Variants in PCDHGA7 observed in about 807,000 individuals in gnomAD.
PCDHGA7 encodes the protein protocadherin gamma-A7.
In PCDHGA7, 44 loss-of-function variants were observed where a neutral mutation model predicts 58.3. That is an observed-to-expected ratio of 0.75 (90% CI 0.59 to 0.97). The LOEUF is 0.97. Among genes scored for constraint, PCDHGA7 ranks in the 50% least tolerant of loss-of-function variants. The pLI is 0.00. For synonymous variants in PCDHGA7, 516 were observed against 504.2 expected (o/e 1.02, Z -0.31); for missense variants, 1,266 against 1,188.7 (o/e 1.06, Z -0.96).
intron 1 of PCDHGA7, chr5:141,390,425 G>A (rs908766072): frequency 9.6e-7 from 1 of 1,042,070 alleles, no homozygotes. Flanking sequence ...TTAAAAAGCT[G>A]TCATATCATT....
rs755169934 is a variant in PCDHGA7 at position 141,384,350 on chromosome 5, A to T, written c.1451A>T (p.Asn484Ile). The change falls in exon 1 of 4, where the codon AAT (asparagine) becomes ATT (isoleucine). Residue 484 changes from asparagine to isoleucine, a missense_variant. By Grantham distance (149) the Asn-to-Ile change is moderately radical (BLOSUM62 -3). Coordinates refer to ENST00000518325, the MANE Select transcript of PCDHGA7 (RefSeq NM_018920.4). Reference sequence around the variant, plus strand: ...GCACAGGACCACGACAGTGAGGATAATGCCCAGATCACTTATTCCTTGGCC... The same window carrying T: ...GCACAGGACCACGACAGTGAGGATATTGCCCAGATCACTTATTCCTTGGCC... ...VTAQDHDSED[N>I]AQITYSLAED... The T allele has an allele frequency of 1.9e-6, 3 of 1,613,690 alleles. No homozygotes were observed. In the African/African-American group the frequency reaches 4.0e-5, roughly 22 times the overall value.
At position 141,383,143 on chromosome 5, in the gene PCDHGA7, G is replaced by A. The variant is rs371358932; in HGVS notation, c.244G>A (p.Gly82Ser). 2 of 1,613,972 alleles carry A rather than the reference G, an allele frequency of 1.2e-6. No homozygotes were observed. The highest frequency in any genetic ancestry group is 8.5e-7 in the Non-Finnish European group (1 of 1,179,982). Residue 82 changes from glycine to serine, a missense_variant, in exon 1 of 4, where the codon GGC becomes AGC. Gly to Ser is a moderately conservative substitution (Grantham distance 56). Transcript: ENST00000518325. ...TQLFALNQRS[G>S]SLVTAGRIDR... ...GCTTTTCGCCCTGAACCAGCGCAGC[G>A]GCAGCTTGGTCACTGCGGGCAGGAT...
At chr5:141,387,316 A>G (rs1239342995) in intron 1 of PCDHGA7, among the ~76,000 whole-genome samples, 3 of 152,214 alleles carry the variant, frequency 2.0e-5, no homozygotes, top group African/African-American at 7.2e-5. Flanking sequence ...TCTAATGAGT[A>G]AGTATGGAAA....
chr5:141,491,723 G>C lies in PCDHGA7; in HGVS notation c.2425-3084G>C. The C allele has an allele frequency of 1.2e-6, 2 of 1,606,770 alleles. No homozygotes were observed. The highest frequency in any genetic ancestry group is 1.7e-6 in the Non-Finnish European group (2 of 1,177,028). On this transcript the variant is annotated intron_variant, in intron 1 of 3. Transcript: ENST00000518325. The surrounding 1 kb of genome is among the most constrained non-coding windows in gnomAD (Gnocchi z 6.9). The stretch of plus-strand genomic sequence containing the variant: ...CAGGTGAGGGGCTCGGCGCCGCCCC[G>C]GGCGACCCCTGGGGGCGGCACTGGA...
intron 1 of PCDHGA7, chr5:141,393,113 G>C: frequency 6.2e-7 from 1 of 1,613,500 alleles, no homozygotes. Flanking sequence ...CTCAGAGCCC[G>C]CGGTGTCTGA....
At chr5:141,403,960 G>A (rs775638627) in intron 1 of PCDHGA7, 10 of 1,613,658 alleles carry the variant, frequency 6.2e-6, no homozygotes, top group East Asian at 4.5e-5. Flanking sequence ...TGCTCATTTC[G>A]GTGGAAGATG....
intron 1 of PCDHGA7, among the ~76,000 whole-genome samples, chr5:141,454,476 A>G (rs918910449): frequency 6.6e-6 from 1 of 151,806 alleles, no homozygotes; most frequent in Non-Finnish European, 1.5e-5. Flanking sequence ...GCATGATCTC[A>G]GCTCACCGCA....
At position 141,491,151 on chromosome 5, in the gene PCDHGA7, T is replaced by C. The variant is rs1283775894; in HGVS notation, c.2425-3656T>C. The C allele has an allele frequency of 6.2e-7, 1 of 1,614,150 alleles. No individual in the cohort carries two copies. On this transcript the variant is annotated intron_variant, in intron 1 of 3. Transcript: ENST00000518325. The surrounding 1 kb of genome is among the most constrained non-coding windows in gnomAD (Gnocchi z 6.9). ...GCACAGCCCGGGCCTTACTGGAGGA[T>C]GACTCTGACACCCAGCAGGTGGTGG...
chr5:141,495,870 CCT>C (rs1183994771), intron 2 of PCDHGA7, among the ~76,000 whole-genome samples: 2 of 152,100 alleles, frequency 1.3e-5, no homozygotes. Flanking sequence ...TTTCTGCTTT[CCT>C]CTCTGTTCTT....
rs1452737362 is a variant in PCDHGA7, at chr5:141,432,324, A to G, written c.2424+47001A>G. On this transcript the variant is annotated intron_variant, in intron 1 of 3. Transcript: ENST00000518325. The surrounding 1 kb of genome is among the most constrained non-coding windows in gnomAD (Gnocchi z 6.0). ...CTGTATGCGCTGAGCTCCTTCGACTACGAGCAGTTCCGAGACTTGCAAGTG... is the reference window on the plus strand; with the variant it reads ...CTGTATGCGCTGAGCTCCTTCGACTGCGAGCAGTTCCGAGACTTGCAAGTG... 3 of 1,614,058 alleles carry G rather than the reference A, an allele frequency of 1.9e-6. No homozygotes were observed. The highest frequency in any genetic ancestry group is 2.7e-5 in the African/African-American group (2 of 74,910).
chr5:141,384,435 A>G lies in PCDHGA7; in HGVS notation c.1536A>G (p.Gly512=). ...SSYVSINSDT[G]VLYALQSFDY... ...ATGTCTCCATAAACTCTGACACTGG[A>G]GTCCTGTACGCGCTGCAATCCTTTG... is the stretch of plus-strand genomic sequence containing the variant. Residue 512 remains glycine, a synonymous_variant, in exon 1 of 4, where the codon GGA becomes GGG. Transcript: ENST00000518325. 6.2e-7 allele frequency: 1 copy of G among 1,614,008 alleles called. No individual in the cohort carries two copies. Among genetic ancestry groups the G allele is most frequent in the Non-Finnish European group, 8.5e-7 (1 of 1,179,910 alleles).
At position 141,476,090 on chromosome 5, in the gene PCDHGA7, C is replaced by T; in HGVS notation, c.2425-18717C>T. On this transcript the variant is annotated intron_variant, in intron 1 of 3. Coordinates refer to ENST00000518325, the MANE Select transcript of PCDHGA7 (RefSeq NM_018920.4). The surrounding 1 kb of genome is among the most constrained non-coding windows in gnomAD (Gnocchi z 7.6). ...GAAATCTCAGGGACGATCTGGACCC[C>T]GCTGAGAGGAACTGCTTTTGAGTGA... 3 of 1,562,222 alleles carry T rather than the reference C, an allele frequency of 1.9e-6. No individual in the cohort carries two copies. Among genetic ancestry groups the T allele is most frequent in the African/African-American group, 1.4e-5 (1 of 73,764 alleles).
intron 1 of PCDHGA7, among the ~76,000 whole-genome samples, chr5:141,492,559 C>G (rs533830391): frequency 2.0e-5 from 3 of 152,174 alleles, no homozygotes; most frequent in Non-Finnish European, 4.4e-5. Context: ...GCCTGGGGGG[C>G]GGCCTGAGCG....
In PCDHGA7 at chr5:141,485,313, A is replaced by G. The variant is rs758628263; in HGVS notation, c.2425-9494A>G. On this transcript the variant is annotated intron_variant, in intron 1 of 3. Transcript: ENST00000518325. The surrounding 1 kb of genome is among the most constrained non-coding windows in gnomAD (Gnocchi z 5.7). Reference sequence around the variant, plus strand: ...TCACAGGAAGGGACTTTTGTAGGGAATGTCGCTCAAGATTTCCTGCTGGAT... The same window carrying G: ...TCACAGGAAGGGACTTTTGTAGGGAGTGTCGCTCAAGATTTCCTGCTGGAT... 1.2e-6 allele frequency: 2 copies of G among 1,614,186 alleles called. No individual in the cohort carries two copies. Among genetic ancestry groups the G allele is most frequent in the African/African-American group, 1.3e-5 (1 of 75,054 alleles).
At chr5:141,470,736 C>A (rs541510544) in intron 1 of PCDHGA7, among the ~76,000 whole-genome samples, 1 of 152,092 alleles carries the variant, frequency 6.6e-6, no homozygotes, top group Non-Finnish European at 1.5e-5. Context: ...CTTGCTCTGT[C>A]GCCCTGGCTG....
intron 1 of PCDHGA7, chr5:141,420,119 T>C: frequency 6.2e-7 from 1 of 1,614,044 alleles, no homozygotes; most frequent in Non-Finnish European, 8.5e-7. Context: ...TGCCTATAAT[T>C]TTTGTGTGCC....
intron 1 of PCDHGA7, chr5:141,392,593 C>T (rs986653235): frequency 1.0e-5 from 5 of 494,076 alleles, no homozygotes; most frequent in Admixed American, 7.6e-5. Flanking sequence ...CCGCTGTTCA[C>T]CTACTGGAAG....
chr5:141,430,234 A>G (rs2097268213), intron 1 of PCDHGA7, among the ~76,000 whole-genome samples: 1 of 130,034 alleles, frequency 7.7e-6, no homozygotes, highest in South Asian at 2.4e-4. Flanking sequence ...TGTCAAAAAG[A>G]GAAACTCCTA....
chr5:141,460,026 C>T (rs565259315), intron 1 of PCDHGA7, among the ~76,000 whole-genome samples: 36 of 152,090 alleles, frequency 2.4e-4, no homozygotes, highest in Non-Finnish European at 3.2e-4. Flanking sequence ...TGCAGTGAGC[C>T]GAGACTGCAC....
Sources: allele counts gnomAD v4.1 joint callset (sites outside exome capture counted in the v4.1 genomes callset), GRCh38; gene constraint gnomAD v4.1.1; non-coding constraint Gnocchi (gnomAD v3.1); transcripts MANE v1.5; gene names NCBI Gene and HGNC (gene_info 2026-07-23, HGNC 2026-07-21).